PBX1: variants seen among roughly 807,000 people sequenced by gnomAD.
The protein encoded by PBX1 is PBX homeobox 1, also known as pre-B-cell leukemia transcription factor 1.
PBX1 carries 6 observed loss-of-function variants against 53.4 expected under a neutral mutation model. That is an observed-to-expected ratio of 0.11 (90% CI 0.06 to 0.22). The LOEUF (loss-of-function observed/expected upper bound fraction) is 0.22, where lower values mean the gene tolerates loss of function less well. PBX1 is among the 10% of genes least tolerant of loss of function. The probability of loss-of-function intolerance (pLI) is 1.00; values close to 1 mark genes in which losing one functional copy is unlikely to be tolerated. For missense variants in PBX1, 251 were observed against 551.4 expected (o/e 0.46, Z 5.46); for synonymous variants, 204 against 212.3 (o/e 0.96, Z 0.34).
Position 164,652,769 on chromosome 1 carries a change from T to C in PBX1, c.265+89458T>C, listed in dbSNP as rs564350481. ...GTGTTTTGACAAGTAAATATACTCA[T>C]GTAACCAACACCCCTTTATCACCCT... On this transcript the variant is annotated intron_variant, in intron 2 of 8. Transcript: ENST00000420696. 9.9e-5 allele frequency among the ~76,000 whole-genome samples: 15 copies of C among 152,282 alleles called. No homozygotes were observed. In the South Asian group the frequency reaches 2.9e-3, roughly 29 times the overall value.
chr1:164,677,328 A>G (rs1050109474), intron 2 of PBX1, among the ~76,000 whole-genome samples: 1 of 150,454 alleles, frequency 6.6e-6, no homozygotes, highest in Non-Finnish European at 1.5e-5. Flanking sequence ...TCCTGACCTC[A>G]TGATCCACCC....
chr1:164,847,541 G>A lies in PBX1; in HGVS notation c.*865G>A. The A allele has an allele frequency of 1.9e-6, 2 of 1,062,660 alleles. No individual in the cohort carries two copies. Among genetic ancestry groups the A allele is most frequent in the Non-Finnish European group, 2.3e-6 (2 of 877,682 alleles). 65.8% of individuals were successfully genotyped at this position (1,062,660 alleles called of 1,614,324 possible). On this transcript the variant is annotated 3_prime_UTR_variant, in exon 9 of 9. Transcript: ENST00000420696. Reference sequence around the variant, plus strand: ...CTATTGCAAAACTGGGCCTGAGTTAGGCATGGTGATGAATGCATCAGCAAG... The same window carrying A: ...CTATTGCAAAACTGGGCCTGAGTTAAGCATGGTGATGAATGCATCAGCAAG...
intron 2 of PBX1, chr1:164,680,385 CT>C (rs1661688965): frequency 6.6e-6 from 1 of 152,084 alleles, no homozygotes; most frequent in African/African-American, 2.4e-5. Flanking sequence ...ATTTTATTTT[CT>C]TTTTCAACTT....
intron 2 of PBX1, among the ~76,000 whole-genome samples, chr1:164,681,040 T>C (rs2101996483): frequency 6.6e-6 from 1 of 151,882 alleles, no homozygotes; most frequent in Admixed American, 6.6e-5. Flanking sequence ...ATGGGAAGAG[T>C]ATTGCTTGAG....
chr1:164,796,175 A>C (rs1263151016), intron 3 of PBX1, among the ~76,000 whole-genome samples: 3 of 152,002 alleles, frequency 2.0e-5, no homozygotes, highest in African/African-American at 7.2e-5. Context: ...ACGCCCGGCT[A>C]ATTTTTTGTA....
intron 2 of PBX1, chr1:164,682,725 A>C (rs970862234): frequency 2.6e-5 from 4 of 152,184 alleles, no homozygotes; most frequent in Admixed American, 2.6e-4. Flanking sequence ...GTAACTGAGT[A>C]ATCAGGCCAC....
In PBX1 at chr1:164,846,642, G is replaced by A. The variant is rs1205686195; in HGVS notation, c.1259G>A (p.Gly420Asp). The stretch of plus-strand genomic sequence containing the variant: ...TCATCAGTGACCTCCCCTACAGAAG[G>A]CCCTGGCAGTGTTCACTCTGATACC... ...TPSSVTSPTE[G>D]PGSVHSDTSN Residue 420 changes from glycine (G) to aspartate (D), a missense_variant, in exon 9 of 9, where the codon GGC becomes GAC. Gly to Asp is a moderately conservative substitution (Grantham distance 94, BLOSUM62 -1). Around this residue, in one of 4 missense-constraint regions of PBX1, gnomAD observed 92 missense variants for 130.4 expected, o/e 0.71. Transcript: ENST00000420696. The A allele has an allele frequency of 1.2e-6, 2 of 1,613,926 alleles. No homozygotes were observed. Among genetic ancestry groups the A allele is most frequent in the Non-Finnish European group, 1.7e-6 (2 of 1,179,970 alleles).
In PBX1 at chr1:164,803,338, C is replaced by G. The variant is rs191585216; in HGVS notation, c.701+3449C>G. On this transcript the variant is annotated intron_variant, in intron 4 of 8. Coordinates refer to ENST00000420696, the MANE Select transcript of PBX1 (RefSeq NM_002585.4). ...GAAGGAAATGATCCAGAGAGAGGGC[C>G]TAAAATACTGAGTTTCAGAGGAGCA... Among the ~76,000 whole-genome samples, 8 of 152,260 alleles carry G rather than the reference C, an allele frequency of 5.3e-5. No homozygotes were observed. In the East Asian group the frequency reaches 1.5e-3, roughly 29 times the overall value.
chr1:164,715,723 C>T lies in PBX1; in HGVS notation c.266-76771C>T, dbSNP rs78185678. 7.9e-3 allele frequency among the ~76,000 whole-genome samples: 1,199 copies of T among 152,304 alleles called. 6 individuals carry two copies. Among genetic ancestry groups the T allele is most frequent in the Middle Eastern group, 0.017 (5 of 294 alleles). On this transcript the variant is annotated intron_variant, in intron 2 of 8. Transcript: ENST00000420696. ...TATAACTGGACTGGATGACTGTTCT[C>T]TTCTAAAATAGGATTTTGTGAATTA...
chr1:164,869,302 A>T (rs1672292881), intron 2 of PBX1, among the ~76,000 whole-genome samples: 1 of 152,186 alleles, frequency 6.6e-6, no homozygotes, highest in African/African-American at 2.4e-5. Flanking sequence ...ACCCCAGGAG[A>T]TCCATCTGCC....
At chr1:164,679,147 CTTAA>C (rs1444687072) in intron 2 of PBX1, among the ~76,000 whole-genome samples, 1 of 152,162 alleles carries the variant, frequency 6.6e-6, no homozygotes, top group Non-Finnish European at 1.5e-5. Context: ...TTTTTATACT[CTTAA>C]TTAACCACAT....
At chr1:164,833,382 T>G (rs947458213) in intron 8 of PBX1, among the ~76,000 whole-genome samples, 1 of 152,188 alleles carries the variant, frequency 6.6e-6, no homozygotes, top group African/African-American at 2.4e-5. Context: ...CATTCTCTTT[T>G]TCTCTCGTCA....
chr1:164,758,691 G>C (rs1666652425), intron 2 of PBX1, among the ~76,000 whole-genome samples: 1 of 151,848 alleles, frequency 6.6e-6, no homozygotes, highest in African/African-American at 2.4e-5. Context: ...AAGTATGAGA[G>C]TTAGATCACT....
intron 2 of PBX1, among the ~76,000 whole-genome samples, chr1:164,761,831 G>A (rs1000867249): frequency 1.1e-4 from 16 of 152,068 alleles, no homozygotes; most frequent in Non-Finnish European, 2.2e-4. Context: ...TCAGTGTGAG[G>A]GATTTTTTTC....
At chr1:164,778,844 C>T (rs192627591) in intron 2 of PBX1, among the ~76,000 whole-genome samples, 5 of 152,032 alleles carry the variant, frequency 3.3e-5, no homozygotes, top group East Asian at 1.9e-4. Flanking sequence ...TTCAGGGCAC[C>T]GCCTTTGCTT....
chr1:164,573,317 G>C (rs191243839), intron 2 of PBX1, among the ~76,000 whole-genome samples: 49 of 151,424 alleles, frequency 3.2e-4, no homozygotes, highest in African/African-American at 1.1e-3. Flanking sequence ...AAAGTAAAAA[G>C]AAACAAGTGA....
At chr1:164,799,987 A>G in intron 4 of PBX1, 98 bp downstream of exon 4, 1 of 1,134,496 alleles carries the variant, frequency 8.8e-7, no homozygotes, top group African/African-American at 1.5e-5. Flanking sequence ...GTTTCACCCC[A>G]TCAACGCTGA....
chr1:164,612,253 A>T (rs1190413006), intron 2 of PBX1, among the ~76,000 whole-genome samples: 1 of 152,164 alleles, frequency 6.6e-6, no homozygotes, highest in Non-Finnish European at 1.5e-5. Context: ...ACACCCTTGT[A>T]GAAGCAGGCT....
rs1671616196 is a variant in PBX1 at position 164,847,154 on chromosome 1, C to G, written c.*478C>G. 9.2e-7 allele frequency: 1 copy of G among 1,089,214 alleles called. No individual in the cohort carries two copies. Among genetic ancestry groups the G allele is most frequent in the Non-Finnish European group, 1.1e-6 (1 of 891,262 alleles). 67.5% of individuals were successfully genotyped at this position (1,089,214 alleles called of 1,614,324 possible). A position where few individuals can be genotyped will look rare whatever the true frequency, so the allele number is the denominator to read the frequency against. ...TAACAGGCAATCCTTCTCTGTTTCTCTTATTACTCTCACTACCTCTTAGCA... is the reference window on the plus strand; with the variant it reads ...TAACAGGCAATCCTTCTCTGTTTCTGTTATTACTCTCACTACCTCTTAGCA... On this transcript the variant is annotated 3_prime_UTR_variant, in exon 9 of 9. Transcript: ENST00000420696.
Sources: gnomAD v4.1 joint callset for allele counts (sites outside exome capture counted in the v4.1 genomes callset) on GRCh38, gnomAD v4.1.1 for gene constraint, gnomAD v4.1.1 regional missense constraint, MANE v1.5 for transcripts, NCBI Gene and HGNC (gene_info 2026-07-23, HGNC 2026-07-21) for gene names.